SERPINB7: variants seen among roughly 807,000 people sequenced by gnomAD.
The protein encoded by SERPINB7 is serpin family B member 7, also known as serpin B7.
Under a neutral mutation model 37.4 loss-of-function variants are expected in SERPINB7, and 31 were observed. That is an observed-to-expected ratio of 0.83 (90% CI 0.62 to 1.12). The LOEUF is 1.12. Among genes scored for constraint, SERPINB7 ranks in the 50% most tolerant of loss-of-function variants. The pLI, the probability that SERPINB7 is intolerant of heterozygous loss-of-function variation, is 0.00. For synonymous variants in SERPINB7, 163 were observed against 166.1 expected, an observed-to-expected ratio of 0.98 and a Z score of 0.14; for missense variants, 521 against 455.3, an observed-to-expected ratio of 1.14 and a Z score of -1.31.
chr18:63,784,088 A>T (rs1381291610), intron 2 of SERPINB7, among the ~76,000 whole-genome samples: 1 of 152,190 alleles, frequency 6.6e-6, no homozygotes, highest in Non-Finnish European at 1.5e-5. Context: ...GATCTGGGAT[A>T]AGCCCTAAGA....
intron 5 of SERPINB7, among the ~76,000 whole-genome samples, chr18:63,797,382 C>G (rs2049499662): frequency 6.6e-6 from 1 of 152,054 alleles, no homozygotes; most frequent in African/African-American, 2.4e-5. Flanking sequence ...GATGTTTAGC[C>G]ATCACCTGTT....
chr18:63,781,001 T>C (rs1036655030), intron 1 of SERPINB7, among the ~76,000 whole-genome samples: 6 of 146,216 alleles, frequency 4.1e-5, no homozygotes, highest in African/African-American at 9.8e-5. Flanking sequence ...ACTAGAAAAG[T>C]TTTTTTTTAA....
intron 1 of SERPINB7, among the ~76,000 whole-genome samples, chr18:63,781,033 T>A (rs1382619779): frequency 6.6e-6 from 1 of 152,206 alleles, no homozygotes; most frequent in African/African-American, 2.4e-5. Flanking sequence ...AAACTCCCAT[T>A]TGACATAATA....
In SERPINB7 at chr18:63,804,224, A is replaced by G; in HGVS notation, c.745-13A>G. 1 of 1,519,598 alleles carries G rather than the reference A, an allele frequency of 6.6e-7. No homozygotes were observed. Among genetic ancestry groups the G allele is most frequent in the Non-Finnish European group, 8.8e-7 (1 of 1,132,988 alleles). The allele number at this position is 1,519,598 out of a possible 1,614,324, so 94.1% of individuals were successfully genotyped here. A position where few individuals can be genotyped will look rare whatever the true frequency, so the allele number is the denominator to read the frequency against. On this transcript the variant is annotated splice_polypyrimidine_tract_variant and intron_variant, in intron 7 of 7. Coordinates refer to ENST00000398019, the MANE Select transcript of SERPINB7 (RefSeq NM_003784.4). ...CCATATGATTCTAAATTATCTCTGA[A>G]TTATTTTTACAGATTGAAAACAAAC... is the stretch of plus-strand genomic sequence containing the variant.
rs747670658 is a variant in SERPINB7, at chr18:63,804,502, C to A, written c.1010C>A (p.Thr337Asn). ...IEVTEEGTEA[T>N]AATGSNIVEK... Reference sequence around the variant, plus strand: ...GTCACTGAGGAGGGCACCGAGGCTACTGCTGCCACAGGAAGTAATATTGTA... The same window carrying A: ...GTCACTGAGGAGGGCACCGAGGCTAATGCTGCCACAGGAAGTAATATTGTA... The change falls in exon 8 of 8, where the codon ACT (threonine) becomes AAT (asparagine). Residue 337 changes from threonine (T) to asparagine (N), a missense_variant. Physicochemically the swap from Thr to Asn is moderately conservative, Grantham distance 65 (BLOSUM62 0). Coordinates refer to ENST00000398019, the MANE Select transcript of SERPINB7 (RefSeq NM_003784.4). 1.9e-6 allele frequency: 3 copies of A among 1,613,748 alleles called. No individual in the cohort carries two copies. In the East Asian group the frequency reaches 6.7e-5, roughly 36 times the overall value.
At chr18:63,771,901 T>G (rs937038363), upstream of SERPINB7, among the ~76,000 whole-genome samples, 2 of 151,374 alleles carry the variant, frequency 1.3e-5, no homozygotes, top group South Asian at 4.2e-4. Flanking sequence ...CAGGAAGGCT[T>G]CATGGTTCAA....
intron 1 of SERPINB7, among the ~76,000 whole-genome samples, chr18:63,755,549 T>A (rs1411170970): frequency 6.6e-6 from 1 of 152,096 alleles, no homozygotes; most frequent in Non-Finnish European, 1.5e-5. Context: ...AAAAGGTGAA[T>A]TAGTGAGGCA....
At chr18:63,754,607 C>T (rs968827884) in intron 1 of SERPINB7, among the ~76,000 whole-genome samples, 5 of 152,134 alleles carry the variant, frequency 3.3e-5, no homozygotes, top group East Asian at 1.9e-4. Flanking sequence ...GGGCAGGACA[C>T]GCAGGTATCA....
Position 63,796,347 on chromosome 18 carries a change from C to A in SERPINB7, c.418C>A (p.Arg140Ser), listed in dbSNP as rs371023956. 6.2e-7 allele frequency: 1 copy of A among 1,608,724 alleles called. No homozygotes were observed. Among genetic ancestry groups the A allele is most frequent in the South Asian group, 1.1e-5 (1 of 90,804 alleles). The change falls in exon 5 of 8, where the codon CGT becomes AGT. Residue 140 changes from arginine to serine, a missense_variant. Coordinates refer to ENST00000398019, the MANE Select transcript of SERPINB7 (RefSeq NM_003784.4). ...DFTNHLEDTR[R>S]NINKWVENET... ...TACGAATCATTTAGAAGACACTAGA[C>A]GTAATATTAATAAGTGGGTTGAAAA... is the stretch of plus-strand genomic sequence containing the variant.
At chr18:63,773,174 T>G (rs1173145897), upstream of SERPINB7, among the ~76,000 whole-genome samples, 1 of 152,098 alleles carries the variant, frequency 6.6e-6, no homozygotes, top group African/African-American at 2.4e-5. Flanking sequence ...AATCTGCAAT[T>G]AAGCCATGGA....
upstream of SERPINB7, among the ~76,000 whole-genome samples, chr18:63,773,923 G>A (rs143379779): frequency 1.3e-5 from 2 of 152,250 alleles, no homozygotes; most frequent in East Asian, 3.9e-4. Context: ...TATCCAGTAT[G>A]TGTGTCACGT....
At chr18:63,786,108 T>TAC (rs1555694567) in intron 2 of SERPINB7, among the ~76,000 whole-genome samples, 4,908 of 114,008 alleles carry the variant, frequency 0.043, 869 homozygotes, top group East Asian at 0.15. Context: ...AGTATATATA[T>TAC]GTATATATGT....
At chr18:63,782,861 G>A (rs1274703537) in intron 2 of SERPINB7, among the ~76,000 whole-genome samples, 6 of 152,082 alleles carry the variant, frequency 3.9e-5, no homozygotes, top group South Asian at 2.1e-4. Flanking sequence ...AATGCTGGCC[G>A]GGCGCGGTGG....
upstream of SERPINB7, among the ~76,000 whole-genome samples, chr18:63,770,490 A>C (rs2049204237): frequency 6.6e-6 from 1 of 151,928 alleles, no homozygotes; most frequent in South Asian, 2.1e-4. Context: ...TCTTGACCCC[A>C]ACTGGAAGCT....
intron 4 of SERPINB7, among the ~76,000 whole-genome samples, chr18:63,795,633 C>A (rs1212865572): frequency 1.3e-5 from 2 of 150,780 alleles, no homozygotes; most frequent in African/African-American, 4.9e-5. Flanking sequence ...GAGAAGATAT[C>A]TGTCCAGGAG....
Position 63,796,196 on chromosome 18 carries a change from C to T in SERPINB7, c.337-70C>T, listed in dbSNP as rs528439187. 2.0e-5 allele frequency: 18 copies of T among 906,068 alleles called. No homozygotes were observed. The African/African-American group carries it at 2.5e-4, about 13-fold the overall frequency. The allele number at this position is 906,068 out of a possible 1,614,324, so 56.1% of individuals were successfully genotyped here. On this transcript the variant is annotated intron_variant, in intron 4 of 7. Transcript: ENST00000398019. ...AATAAAGCAGTCGAAATTAAAAGTT[C>T]AAAAATACATTTCTTATATACTTAG...
At chr18:63,771,233 A>T (rs1169456655), upstream of SERPINB7, among the ~76,000 whole-genome samples, 2 of 152,098 alleles carry the variant, frequency 1.3e-5, no homozygotes, top group Non-Finnish European at 2.9e-5. Flanking sequence ...GAAATATTTT[A>T]AAAGAATGTA....
intron 7 of SERPINB7, among the ~76,000 whole-genome samples, chr18:63,804,026 G>A (rs1008301818): frequency 3.9e-5 from 6 of 152,136 alleles, no homozygotes; most frequent in African/African-American, 7.2e-5. Flanking sequence ...CCTTCTCATA[G>A]TAGAGCAAAT....
At chr18:63,789,255 C>A (rs1490541765) in intron 2 of SERPINB7, among the ~76,000 whole-genome samples, 1 of 152,050 alleles carries the variant, frequency 6.6e-6, no homozygotes, top group Non-Finnish European at 1.5e-5. Flanking sequence ...ACAAAGGGAC[C>A]ACCTAAGTTC....
Sources: allele counts gnomAD v4.1 joint callset (sites outside exome capture counted in the v4.1 genomes callset), GRCh38; gene constraint gnomAD v4.1.1; transcripts MANE v1.5; gene names NCBI Gene and HGNC (gene_info 2026-07-23, HGNC 2026-07-21).